DIRAS2: variants seen among roughly 807,000 people sequenced by gnomAD.
DIRAS2 encodes the protein DIRAS family GTPase 2.
Under a neutral mutation model 13.9 loss-of-function variants are expected in DIRAS2, and 5 were observed. The observed-to-expected ratio is 0.36, with a 90% confidence interval of 0.19 to 0.76. DIRAS2 has a LOEUF of 0.76. Ranked by LOEUF, DIRAS2 falls within the 30% of genes least tolerant of loss-of-function variation. DIRAS2 has a pLI of 0.53. For synonymous variants in DIRAS2, 111 were observed against 105.4 expected (o/e 1.05, Z -0.33); for missense variants, 191 against 263.0 (o/e 0.73, Z 1.89).
intron 1 of DIRAS2, among the ~76,000 whole-genome samples, chr9:90,639,591 C>T (rs1825400586): frequency 6.6e-6 from 1 of 152,210 alleles, no homozygotes. Context: ...GGGGGCAGTA[C>T]TTCTTGGGAT....
intron 1 of DIRAS2, among the ~76,000 whole-genome samples, chr9:90,624,249 T>C (rs1196141144): frequency 1.3e-5 from 2 of 152,252 alleles, no homozygotes; most frequent in African/African-American, 4.8e-5. Context: ...TTTTAGAATC[T>C]TGATTTAAAT....
At chr9:90,627,081 T>A (rs1825276846) in intron 1 of DIRAS2, among the ~76,000 whole-genome samples, 1 of 152,164 alleles carries the variant, frequency 6.6e-6, no homozygotes, top group South Asian at 2.1e-4. Context: ...TTTAAAATTC[T>A]GTGGCATTCC....
At chr9:90,626,180 CA>C (rs59003707) in intron 1 of DIRAS2, 31,461 of 101,450 alleles carry the variant, frequency 0.31, 3,070 homozygotes, top group Middle Eastern at 0.4. Context: ...GAGACTCTGT[CA>C]AAAAAAAAAA....
At chr9:90,619,100 C>T (rs1348746027) in intron 1 of DIRAS2, among the ~76,000 whole-genome samples, 9 of 151,454 alleles carry the variant, frequency 5.9e-5, no homozygotes, top group African/African-American at 2.2e-4. Context: ...GATCTCACCA[C>T]TGCACTCCAG....
At chr9:90,617,865 T>C (rs980369303) in intron 1 of DIRAS2, among the ~76,000 whole-genome samples, 1 of 152,172 alleles carries the variant, frequency 6.6e-6, no homozygotes, top group Non-Finnish European at 1.5e-5. Context: ...GGAATAAATT[T>C]AACAAAAGAT....
chr9:90,616,793 A>C (rs1447902261), intron 1 of DIRAS2, among the ~76,000 whole-genome samples: 1 of 151,898 alleles, frequency 6.6e-6, no homozygotes, highest in Non-Finnish European at 1.5e-5. Context: ...AGAACCATTC[A>C]TTTATTTCAC....
chr9:90,636,098 T>A (rs968239795), intron 1 of DIRAS2, among the ~76,000 whole-genome samples: 2 of 134,340 alleles, frequency 1.5e-5, no homozygotes, highest in African/African-American at 5.8e-5. Context: ...AGTGCAGTGG[T>A]GCGATCTTGG....
At chr9:90,626,439 C>T (rs986127205) in intron 1 of DIRAS2, among the ~76,000 whole-genome samples, 3 of 86,514 alleles carry the variant, frequency 3.5e-5, no homozygotes, top group East Asian at 3.7e-4. Context: ...GACCCCATTT[C>T]TTAAAAAAAA....
Position 90,619,021 on chromosome 9 carries a change from C to T in DIRAS2, c.-36-5158G>A, listed in dbSNP as rs137884994. On this transcript the variant is annotated intron_variant, in intron 1 of 1. Transcript: ENST00000375765. ...GGGCATGGTGGCGCATGCTTATAGT[C>T]CCAGCTACTCAGGAGGCTGAGGCAG... Among the ~76,000 whole-genome samples, 297 of 152,298 alleles carry T rather than the reference C, an allele frequency of 2.0e-3. 2 individuals carry two copies. Among genetic ancestry groups the T allele is most frequent in the African/African-American group, 6.8e-3 (284 of 41,556 alleles).
At chr9:90,616,397 A>G (rs1204786838) in intron 1 of DIRAS2, among the ~76,000 whole-genome samples, 1 of 152,216 alleles carries the variant, frequency 6.6e-6, no homozygotes, top group Non-Finnish European at 1.5e-5. Flanking sequence ...AATCCAAAAG[A>G]TAACTTCATA....
chr9:90,623,743 A>G (rs1309305691), intron 1 of DIRAS2, among the ~76,000 whole-genome samples: 2 of 152,198 alleles, frequency 1.3e-5, no homozygotes, highest in African/African-American at 2.4e-5. Flanking sequence ...ATCCTGCTTC[A>G]AAACACAGTT....
chr9:90,610,374 A>G lies in DIRAS2; in HGVS notation c.*2854T>C. The G allele has an allele frequency of 2.5e-6, 1 of 399,040 alleles. No individual in the cohort carries two copies. The highest frequency in any genetic ancestry group is 3.6e-5 in the East Asian group (1 of 28,076). 24.7% of individuals were successfully genotyped at this position (399,040 alleles called of 1,614,324 possible). A position where few individuals can be genotyped will look rare whatever the true frequency, so the allele number is the denominator to read the frequency against. On this transcript the variant is annotated 3_prime_UTR_variant, in exon 2 of 2. Transcript: ENST00000375765. ...AATTTTAGATAGAATGAACAATTCA[A>G]TATTGCTCTTGTGTTGGTCTTGCTG...
In DIRAS2 at chr9:90,613,110, G is replaced by T; in HGVS notation, c.*118C>A. The T allele has an allele frequency of 1.4e-6, 2 of 1,410,996 alleles. No individual in the cohort carries two copies. The highest frequency in any genetic ancestry group is 1.9e-6 in the Non-Finnish European group (2 of 1,043,198). The allele number at this position is 1,410,996 out of a possible 1,614,324, so 87.4% of individuals were successfully genotyped here. A position where few individuals can be genotyped will look rare whatever the true frequency, so the allele number is the denominator to read the frequency against. The stretch of plus-strand genomic sequence containing the variant: ...TCTTAAGGACAATAGGACGCATCTC[G>T]ATTAAATGCAATGTTTAACACGTGG... On this transcript the variant is annotated 3_prime_UTR_variant, in exon 2 of 2. Transcript: ENST00000375765. This position sits in a 1 kb window ranked among gnomAD's most constrained non-coding sequence, Gnocchi z 5.6.
chr9:90,639,516 A>G (rs900728173), intron 1 of DIRAS2, among the ~76,000 whole-genome samples: 1 of 152,206 alleles, frequency 6.6e-6, no homozygotes, highest in African/African-American at 2.4e-5. Flanking sequence ...TGAATGACCC[A>G]TAATGGGACT....
chr9:90,629,233 G>A (rs1332606239), intron 1 of DIRAS2, among the ~76,000 whole-genome samples: 2 of 152,116 alleles, frequency 1.3e-5, no homozygotes, highest in Non-Finnish European at 2.9e-5. Flanking sequence ...TACATATGTG[G>A]TTCACACGGT....
chr9:90,619,264 AC>A (rs1825197229), intron 1 of DIRAS2, among the ~76,000 whole-genome samples: 1 of 151,916 alleles, frequency 6.6e-6, no homozygotes, highest in Non-Finnish European at 1.5e-5. Context: ...ACATGGTGAA[AC>A]CCCGTCTCTA....
intron 1 of DIRAS2, among the ~76,000 whole-genome samples, chr9:90,618,215 G>C (rs1412020075): frequency 1.3e-5 from 2 of 152,142 alleles, no homozygotes; most frequent in Non-Finnish European, 2.9e-5. Flanking sequence ...ACTAACACAG[G>C]ATACACAGAT....
rs140736006 is a variant in DIRAS2, at chr9:90,636,740, A to G, written c.-37+6012T>C. On this transcript the variant is annotated intron_variant, in intron 1 of 1. Coordinates refer to ENST00000375765, the MANE Select transcript of DIRAS2 (RefSeq NM_017594.5). ...ACATAGTCAAAGAGAGACAGATATC[A>G]ATTGATAGCTATTTAGTCAGAGAGA... is the stretch of plus-strand genomic sequence containing the variant. Among the ~76,000 whole-genome samples, 126 of 152,362 alleles carry G rather than the reference A, an allele frequency of 8.3e-4. 1 individual carries two copies. Among genetic ancestry groups the G allele is most frequent in the African/African-American group, 2.9e-3 (119 of 41,576 alleles).
intron 1 of DIRAS2, among the ~76,000 whole-genome samples, chr9:90,638,790 G>T (rs370935179): frequency 8.5e-5 from 13 of 152,194 alleles, no homozygotes; most frequent in South Asian, 6.2e-4. Flanking sequence ...ACCTGGATTT[G>T]CCCTCGATGA....
Sources: allele counts gnomAD v4.1 joint callset (sites outside exome capture counted in the v4.1 genomes callset), GRCh38; gene constraint gnomAD v4.1.1; non-coding constraint Gnocchi (gnomAD v3.1); transcripts MANE v1.5; gene names NCBI Gene and HGNC (gene_info 2026-07-23, HGNC 2026-07-21).